EFHC1: variants seen among roughly 807,000 people sequenced by gnomAD.
The protein encoded by EFHC1 is EF-hand domain containing 1.
EFHC1 carries 53 observed loss-of-function variants against 69.9 expected under a neutral mutation model. That is an observed-to-expected ratio of 0.76 (90% CI 0.61 to 0.95). The LOEUF is 0.95. Among genes scored for constraint, EFHC1 ranks in the 40% least tolerant of loss-of-function variants. EFHC1 has a pLI of 0.00. For synonymous variants in EFHC1, 256 were observed against 278.4 expected (o/e 0.92, Z 0.80); for missense variants, 739 against 798.7 (o/e 0.93, Z 0.90).
intron 7 of EFHC1, 28 bp from the exon 8 acceptor site, chr6:52,479,009 T>C: frequency 6.2e-7 from 1 of 1,606,996 alleles, no homozygotes. Context: ...TGAACCTTCA[T>C]AATATCCTCT....
chr6:52,446,648 C>T (rs1440562511), intron 3 of EFHC1, among the ~76,000 whole-genome samples: 1 of 152,144 alleles, frequency 6.6e-6, no homozygotes, highest in Non-Finnish European at 1.5e-5. Flanking sequence ...GCAGTTTCTT[C>T]CTAGCATTGA....
intron 7 of EFHC1, among the ~76,000 whole-genome samples, 196 bp downstream of exon 7, chr6:52,469,669 A>G (rs1765391757): frequency 6.6e-6 from 1 of 152,200 alleles, no homozygotes; most frequent in South Asian, 2.1e-4. Context: ...ACCTAGATCA[A>G]GTCCTATCTC....
intron 5 of EFHC1, among the ~76,000 whole-genome samples, chr6:52,457,861 T>C (rs1180347927): frequency 6.6e-6 from 1 of 152,224 alleles, no homozygotes; most frequent in Non-Finnish European, 1.5e-5. Flanking sequence ...TTCCTCACTT[T>C]CTGTGCATCT....
intron 1 of EFHC1, chr6:52,423,671 T>TG: frequency 2.2e-6 from 1 of 456,646 alleles, no homozygotes; most frequent in Non-Finnish European, 3.8e-6. Flanking sequence ...TTTTTTTTTT[T>TG]TTTTTTTTTT....
intron 3 of EFHC1, among the ~76,000 whole-genome samples, chr6:52,445,587 C>A (rs937953251): frequency 1.3e-5 from 2 of 151,998 alleles, no homozygotes; most frequent in Admixed American, 6.6e-5. Flanking sequence ...TTAGTTATTT[C>A]TTGCCTTCTG....
chr6:52,429,340 T>G (rs1451008227), intron 2 of EFHC1, among the ~76,000 whole-genome samples: 1 of 152,230 alleles, frequency 6.6e-6, no homozygotes, highest in Admixed American at 6.5e-5. Context: ...TAGATTTAAG[T>G]CCTTGATCCA....
chr6:52,486,572 T>G (rs999468162), intron 9 of EFHC1: 1 of 152,242 alleles, frequency 6.6e-6, no homozygotes, highest in Non-Finnish European at 1.5e-5. Flanking sequence ...TTTCCAAATA[T>G]TCTCATTTTC....
Position 52,495,273 on chromosome 6 carries a change from C to T in EFHC1, c.*2932C>T, listed in dbSNP as rs887732447. On this transcript the variant is annotated 3_prime_UTR_variant, in exon 11 of 11. Coordinates refer to ENST00000371068, the MANE Select transcript of EFHC1 (RefSeq NM_018100.4). ...AACCAGGTACCCCAAATCTTATGCT[C>T]TCCAAACTCCAGGGGACAGACACAT... 11 of 453,958 alleles carry T rather than the reference C, an allele frequency of 2.4e-5. No individual in the cohort carries two copies. The highest frequency in any genetic ancestry group is 2.2e-4 in the African/African-American group (11 of 49,994). 28.1% of individuals were successfully genotyped at this position (453,958 alleles called of 1,614,324 possible). A position where few individuals can be genotyped will look rare whatever the true frequency, so the allele number is the denominator to read the frequency against.
At chr6:52,435,059 T>C (rs1006881422) in intron 2 of EFHC1, among the ~76,000 whole-genome samples, 2 of 152,208 alleles carry the variant, frequency 1.3e-5, no homozygotes, top group Non-Finnish European at 2.9e-5. Context: ...GATCTTTGGT[T>C]ATCTTCTCTG....
chr6:52,496,346 T>C lies in EFHC1; in HGVS notation c.*4005T>C, dbSNP rs1158409778. The C allele has an allele frequency of 6.6e-6, 1 of 152,284 alleles. No homozygotes were observed. The highest frequency in any genetic ancestry group is 2.4e-5 in the African/African-American group (1 of 41,396). 9.4% of individuals were successfully genotyped at this position (152,284 alleles called of 1,614,324 possible). ...CTTTGGGACTAATAAAAATCTGCCTTGCGGGTAAAGATGGGCTGTGAGTTA... is the reference window on the plus strand; with the variant it reads ...CTTTGGGACTAATAAAAATCTGCCTCGCGGGTAAAGATGGGCTGTGAGTTA... On this transcript the variant is annotated 3_prime_UTR_variant, in exon 11 of 11. Coordinates refer to ENST00000371068, the MANE Select transcript of EFHC1 (RefSeq NM_018100.4).
intron 5 of EFHC1, among the ~76,000 whole-genome samples, chr6:52,462,021 C>T (rs1765178725): frequency 6.6e-6 from 1 of 151,808 alleles, no homozygotes; most frequent in Non-Finnish European, 1.5e-5. Flanking sequence ...ACATTTCTTT[C>T]AATAGTTGTT....
At chr6:52,442,162 C>G (rs997627498) in intron 3 of EFHC1, among the ~76,000 whole-genome samples, 1 of 152,068 alleles carries the variant, frequency 6.6e-6, no homozygotes, top group African/African-American at 2.4e-5. Context: ...TGGAAGAGGG[C>G]ATCCTTTTCT....
In EFHC1 at chr6:52,446,489, A is replaced by C. The variant is rs141392140; in HGVS notation, c.574-6199A>C. ...CAGATGGGTCTCCTGAATACAGCACACTGATGGGTCTTGAGTCTTTATCCA... is the reference window on the plus strand; with the variant it reads ...CAGATGGGTCTCCTGAATACAGCACCCTGATGGGTCTTGAGTCTTTATCCA... On this transcript the variant is annotated intron_variant, in intron 3 of 10. Coordinates refer to ENST00000371068, the MANE Select transcript of EFHC1 (RefSeq NM_018100.4). 1.1e-3 allele frequency among the ~76,000 whole-genome samples: 168 copies of C among 152,208 alleles called. No homozygotes were observed. The East Asian group carries it at 0.027, about 25-fold the overall frequency.
chr6:52,463,491 T>A (rs532206459), intron 5 of EFHC1, among the ~76,000 whole-genome samples: 1 of 152,316 alleles, frequency 6.6e-6, no homozygotes, highest in South Asian at 2.1e-4. Flanking sequence ...AACAGGTAAT[T>A]CTAAGCTTAA....
At chr6:52,482,819 A>T (rs1405073934) in intron 9 of EFHC1, 1 of 398,454 alleles carries the variant, frequency 2.5e-6, no homozygotes, top group South Asian at 1.3e-4. Context: ...CTGCACATCC[A>T]GATTCTCTTG....
rs145548825 is a variant in EFHC1, at chr6:52,496,504, C to T, written c.*4163C>T. On this transcript the variant is annotated 3_prime_UTR_variant, in exon 11 of 11. Transcript: ENST00000371068. ...ATTTGGGACACATAGGTAGAGAAGA[C>T]GTCTCTAAATGTTGTCCAGAGAATC... The T allele has an allele frequency of 1.3e-5, 2 of 152,224 alleles. No homozygotes were observed. Among genetic ancestry groups the T allele is most frequent in the African/African-American group, 2.4e-5 (1 of 41,540 alleles). The allele number at this position is 152,224 out of a possible 1,614,324, so 9.4% of individuals were successfully genotyped here.
At chr6:52,464,591 T>C (rs1174875252) in intron 5 of EFHC1, among the ~76,000 whole-genome samples, 1 of 152,252 alleles carries the variant, frequency 6.6e-6, no homozygotes. Flanking sequence ...GAAGGACATT[T>C]GTTCTTTCCT....
rs1765963481 is a variant in EFHC1, at chr6:52,493,420, T to C, written c.*1079T>C. 2.8e-6 allele frequency: 1 copy of C among 352,388 alleles called. No individual in the cohort carries two copies. The highest frequency in any genetic ancestry group is 5.5e-6 in the Non-Finnish European group (1 of 181,820). The allele number at this position is 352,388 out of a possible 1,614,324, so 21.8% of individuals were successfully genotyped here. ...ACACATTCATACACACACACGCTTA[T>C]ATGTATACATATAGTATGTATATGT... is the stretch of plus-strand genomic sequence containing the variant. On this transcript the variant is annotated 3_prime_UTR_variant, in exon 11 of 11. Transcript: ENST00000371068.
At position 52,490,165 on chromosome 6, in the gene EFHC1, G is replaced by T. The variant is rs772265107; in HGVS notation, c.1666G>T (p.Val556Leu). 2.5e-6 allele frequency: 4 copies of T among 1,613,818 alleles called. No homozygotes were observed. Among genetic ancestry groups the T allele is most frequent in the South Asian group, 2.2e-5 (2 of 91,076 alleles). The change falls in exon 10 of 11, where the codon GTG (valine) becomes TTG (leucine). Residue 556 changes from valine to leucine, a missense_variant. Transcript: ENST00000371068. ...ESKQTEKDPG[V>L]QELEALIDTI... ...CAAGCAAACTGAAAAGGATCCAGGC[G>T]TGCAGGAATTGGAAGCATTAATAGA...
Sources: allele counts gnomAD v4.1 joint callset (sites outside exome capture counted in the v4.1 genomes callset), GRCh38; gene constraint gnomAD v4.1.1; transcripts MANE v1.5; gene names NCBI Gene and HGNC (gene_info 2026-07-23, HGNC 2026-07-21).